Variants in PCDH15 observed in about 807,000 individuals in gnomAD.
PCDH15 encodes protocadherin-15.
PCDH15 carries 129 observed loss-of-function variants against 178.5 expected under a neutral mutation model. That is an observed-to-expected ratio of 0.72 (90% CI 0.63 to 0.84). The LOEUF (loss-of-function observed/expected upper bound fraction) is 0.84, where lower values mean the gene tolerates loss of function less well. Among genes scored for constraint, PCDH15 ranks in the 40% least tolerant of loss-of-function variants. PCDH15 has a pLI of 0.00. For synonymous variants in PCDH15, 800 were observed against 732.0 expected, an observed-to-expected ratio of 1.09 and a Z score of -1.50; for missense variants, 2,230 against 2,099.9, an observed-to-expected ratio of 1.06 and a Z score of -1.21.
At chr10:55,044,831 CAT>C (rs1458985347) in intron 2 of PCDH15, among the ~76,000 whole-genome samples, 3 of 152,086 alleles carry the variant, frequency 2.0e-5, no homozygotes, top group Non-Finnish European at 4.4e-5. Flanking sequence ...GTGCTAGAAA[CAT>C]AGGGAATGAG....
intron 18 of PCDH15, among the ~76,000 whole-genome samples, chr10:54,051,467 A>T (rs1372353680): frequency 6.6e-6 from 1 of 152,136 alleles, no homozygotes; most frequent in Non-Finnish European, 1.5e-5. Context: ...ACTCGTTGGG[A>T]AATAGAGTAA....
At chr10:54,794,128 TA>T (rs1951724960) in intron 1 of PCDH15, among the ~76,000 whole-genome samples, 1 of 146,268 alleles carries the variant, frequency 6.8e-6, no homozygotes, top group South Asian at 2.1e-4. Flanking sequence ...ATATATAAGA[TA>T]TATATATATC....
chr10:54,586,618 T>C (rs1187593335), intron 2 of PCDH15, among the ~76,000 whole-genome samples: 1 of 152,214 alleles, frequency 6.6e-6, no homozygotes, highest in Non-Finnish European at 1.5e-5. Context: ...TGGGACAAGA[T>C]ATGTATGACC....
At chr10:54,013,960 T>G (rs942593357) in intron 20 of PCDH15, among the ~76,000 whole-genome samples, 20 of 151,678 alleles carry the variant, frequency 1.3e-4, no homozygotes, top group Non-Finnish European at 5.9e-5. Flanking sequence ...ATAAATGAAT[T>G]TAGGAATTAT....
At chr10:55,349,486 T>C (rs1282704692) in intron 2 of PCDH15, among the ~76,000 whole-genome samples, 1 of 152,174 alleles carries the variant, frequency 6.6e-6, no homozygotes, top group Non-Finnish European at 1.5e-5. Context: ...CTCTTGTTTT[T>C]TCAAGATATA....
chr10:55,371,533 T>A lies in PCDH15; in HGVS notation c.-155-204882A>T, dbSNP rs113581167. Among the ~76,000 whole-genome samples, 834 of 152,236 alleles carry A rather than the reference T, an allele frequency of 5.5e-3. 15 individuals are homozygous for A. The highest frequency in any genetic ancestry group is 0.019 in the African/African-American group (782 of 41,568). On this transcript the variant is annotated intron_variant, in intron 2 of 5. Coordinates refer to the PCDH15 transcript ENST00000613346. ...GATCATGGGGGCCGAATTTCTCACC[T>A]TGCTGTTCTTGTGATACTGAATGAG...
chr10:54,568,038 CTAAATTA>C (rs2089292866), intron 2 of PCDH15, among the ~76,000 whole-genome samples: 1 of 152,154 alleles, frequency 6.6e-6, no homozygotes, highest in Admixed American at 6.5e-5. Context: ...ACTTGAGAAA[CTAAATTA>C]TATTTAGTAA....
chr10:54,402,936 C>G, intron 3 of PCDH15, among the ~76,000 whole-genome samples: 1 of 151,906 alleles, frequency 6.6e-6, no homozygotes, highest in East Asian at 1.9e-4. Context: ...AAATCAAAAA[C>G]TAGAAATTAT....
At chr10:53,936,269 G>A (rs914990927) in intron 25 of PCDH15, among the ~76,000 whole-genome samples, 6 of 152,146 alleles carry the variant, frequency 3.9e-5, no homozygotes, top group African/African-American at 1.4e-4. Flanking sequence ...AATGTTCAAT[G>A]TGAACTGGAT....
chr10:54,469,987 A>T (rs983628105), intron 3 of PCDH15, among the ~76,000 whole-genome samples: 1 of 152,132 alleles, frequency 6.6e-6, no homozygotes, highest in Admixed American at 6.5e-5. Flanking sequence ...GTGGGGCAGG[A>T]TGATACACAG....
At chr10:55,036,402 A>G (rs1017989062) in intron 2 of PCDH15, among the ~76,000 whole-genome samples, 3 of 152,152 alleles carry the variant, frequency 2.0e-5, no homozygotes, top group Non-Finnish European at 4.4e-5. Flanking sequence ...AGAATGTACA[A>G]TTTCCCCAGA....
intron 25 of PCDH15, among the ~76,000 whole-genome samples, chr10:53,911,688 T>C (rs1487243951): frequency 6.6e-6 from 1 of 152,122 alleles, no homozygotes; most frequent in African/African-American, 2.4e-5. Context: ...ATCAACAAAA[T>C]TGATAGACTG....
At chr10:54,787,298 A>G (rs1031076237) in intron 1 of PCDH15, among the ~76,000 whole-genome samples, 2 of 151,948 alleles carry the variant, frequency 1.3e-5, no homozygotes. Flanking sequence ...TACAAAAATC[A>G]TCTTAATGTA....
At chr10:53,878,594 G>C (rs967521199) in intron 26 of PCDH15, among the ~76,000 whole-genome samples, 1 of 149,596 alleles carries the variant, frequency 6.7e-6, no homozygotes, top group Non-Finnish European at 1.5e-5. Flanking sequence ...TTTTCTGAAG[G>C]TGTTCTTATC....
At chr10:53,895,879 C>T (rs182363216) in intron 26 of PCDH15, among the ~76,000 whole-genome samples, 155 of 152,180 alleles carry the variant, frequency 1.0e-3, no homozygotes, top group Admixed American at 1.8e-3. Context: ...CAGGATTCTA[C>T]GCCTCATTTC....
chr10:54,012,693 C>T (rs1345512487), intron 20 of PCDH15, among the ~76,000 whole-genome samples: 2 of 152,062 alleles, frequency 1.3e-5, no homozygotes, highest in East Asian at 1.9e-4. Context: ...TCCAGTGAAA[C>T]TGAGCTTCAT....
In PCDH15 at chr10:54,619,329, GTAATT is replaced by G. The variant is rs1181041894; in HGVS notation, c.91+44838_91+44842del. The G allele has an allele frequency of 1.2e-4, 19 of 152,004 alleles. 1 individual carries two copies. In the South Asian group the frequency reaches 3.7e-3, roughly 30 times the overall value. The allele number at this position is 152,004 out of a possible 1,614,324, so 9.4% of individuals were successfully genotyped here. A position where few individuals can be genotyped will look rare whatever the true frequency, so the allele number is the denominator to read the frequency against. ...GTTAATAGAGACTTAAAAAAAGTAA[GTAATT>G]TAAGGAAGAAGGGTTGATAATTCAT... On this transcript the variant is annotated intron_variant, in intron 2 of 37. Coordinates refer to ENST00000644397, the MANE Select transcript of PCDH15 (RefSeq NM_001384140.1).
intron 2 of PCDH15, among the ~76,000 whole-genome samples, chr10:54,547,707 T>C (rs1253269154): frequency 6.6e-6 from 1 of 152,152 alleles, no homozygotes; most frequent in Non-Finnish European, 1.5e-5. Context: ...GCAATAATTT[T>C]TATTTGTATT....
chr10:54,792,857 T>G (rs935019466), intron 1 of PCDH15, among the ~76,000 whole-genome samples: 1 of 151,786 alleles, frequency 6.6e-6, no homozygotes, highest in African/African-American at 2.4e-5. Flanking sequence ...TATAGCCAGG[T>G]TGAGCACTGG....
Sources: gnomAD v4.1 joint callset for allele counts (sites outside exome capture counted in the v4.1 genomes callset) on GRCh38, gnomAD v4.1.1 for gene constraint, MANE v1.5 for transcripts, NCBI Gene and HGNC (gene_info 2026-07-23, HGNC 2026-07-21) for gene names.